The following SH3GL3 variants were observed in gnomAD, a reference collection of about 807,000 sequenced individuals.
The protein encoded by SH3GL3 is endophilin-A3.
A neutral mutation model predicts 47.7 loss-of-function variants in SH3GL3; 33 were observed. That is an observed-to-expected ratio of 0.69 (90% CI 0.52 to 0.92). SH3GL3 has a LOEUF of 0.92. Among genes scored for constraint, SH3GL3 ranks in the 40% least tolerant of loss-of-function variants. The pLI is 0.00. For synonymous variants in SH3GL3, 155 were observed against 148.8 expected, an observed-to-expected ratio of 1.04 and a Z score of -0.30; for missense variants, 363 against 417.8, an observed-to-expected ratio of 0.87 and a Z score of 1.14.
intron 1 of SH3GL3, among the ~76,000 whole-genome samples, chr15:83,490,286 G>A (rs1388123268): frequency 4.0e-5 from 5 of 126,426 alleles, no homozygotes; most frequent in African/African-American, 1.4e-4. Context: ...TTTTTTTTCC[G>A]CTGACCCTCA....
chr15:83,521,462 G>A lies in SH3GL3; in HGVS notation c.46-37791G>A, dbSNP rs566412253. ...TGGATGGTGCTGAGGATGGGGAGGGGAGAGCTGGGAATGGAATGGCCCAGG... is the reference window on the plus strand; with the variant it reads ...TGGATGGTGCTGAGGATGGGGAGGGAAGAGCTGGGAATGGAATGGCCCAGG... On this transcript the variant is annotated intron_variant, in intron 1 of 8. Coordinates refer to ENST00000427482, the MANE Select transcript of SH3GL3 (RefSeq NM_003027.5). Among the ~76,000 whole-genome samples the A allele has an allele frequency of 7.2e-5, 11 of 152,288 alleles. No homozygotes were observed. In the East Asian group the frequency reaches 7.7e-4, roughly 11 times the overall value.
intron 5 of SH3GL3, among the ~76,000 whole-genome samples, chr15:83,574,449 G>A (rs574312393): frequency 3.5e-4 from 54 of 152,218 alleles, no homozygotes; most frequent in Middle Eastern, 3.4e-3. Context: ...CCTCAGGGCC[G>A]TTGTGACATC....
At chr15:83,535,259 T>C (rs1444463148) in intron 1 of SH3GL3, among the ~76,000 whole-genome samples, 4 of 152,154 alleles carry the variant, frequency 2.6e-5, no homozygotes, top group Non-Finnish European at 5.9e-5. Flanking sequence ...GAATAAAACA[T>C]TGTCAGCTTC....
At chr15:83,477,197 C>G (rs2041141098) in intron 1 of SH3GL3, among the ~76,000 whole-genome samples, 1 of 152,184 alleles carries the variant, frequency 6.6e-6, no homozygotes, top group South Asian at 2.1e-4. Flanking sequence ...TTTTGGGTTG[C>G]AGGTTGTCTG....
intron 1 of SH3GL3, among the ~76,000 whole-genome samples, chr15:83,491,104 C>A (rs565642619): frequency 6.6e-6 from 1 of 152,256 alleles, no homozygotes; most frequent in African/African-American, 2.4e-5. Flanking sequence ...GTCCGAGAAT[C>A]CTGTGGGTAC....
intron 7 of SH3GL3, 146 bp downstream of exon 7, chr15:83,587,232 AT>A: frequency 1.8e-6 from 1 of 568,682 alleles, no homozygotes; most frequent in East Asian, 3.2e-5. Flanking sequence ...TCATGGTTGG[AT>A]GTGGGATGGG....
intron 1 of SH3GL3, among the ~76,000 whole-genome samples, chr15:83,465,433 C>T (rs114962392): frequency 0.02 from 2,987 of 152,050 alleles, 78 homozygotes; most frequent in African/African-American, 0.065. Flanking sequence ...GCTTCCTCTT[C>T]GGGCCTGTGA....
At chr15:83,531,992 T>C (rs1353049238) in intron 1 of SH3GL3, among the ~76,000 whole-genome samples, 1 of 152,222 alleles carries the variant, frequency 6.6e-6, no homozygotes, top group African/African-American at 2.4e-5. Flanking sequence ...AACTTCAGCA[T>C]GTACAAGTTG....
intron 1 of SH3GL3, among the ~76,000 whole-genome samples, chr15:83,491,903 T>C (rs762185725): frequency 7.9e-5 from 12 of 152,192 alleles, no homozygotes; most frequent in Non-Finnish European, 1.8e-4. Context: ...CCATACTTCC[T>C]ATGTGGTGGT....
chr15:83,548,413 G>A (rs2044509122), intron 1 of SH3GL3, among the ~76,000 whole-genome samples: 1 of 149,706 alleles, frequency 6.7e-6, no homozygotes, highest in African/African-American at 2.4e-5. Flanking sequence ...ACATAAATGT[G>A]TATATATATA....
At chr15:83,579,102 A>G (rs2059763330) in intron 6 of SH3GL3, among the ~76,000 whole-genome samples, 1 of 152,194 alleles carries the variant, frequency 6.6e-6, no homozygotes, top group African/African-American at 2.4e-5. Context: ...AAAGTCAAAA[A>G]GGATCCCTTC....
rs969704751 is a variant in SH3GL3 at position 83,498,940 on chromosome 15, C to A, written c.45+51362C>A. 6.6e-5 allele frequency among the ~76,000 whole-genome samples: 10 copies of A among 152,304 alleles called. No individual in the cohort carries two copies. The East Asian group carries it at 1.9e-3, about 29-fold the overall frequency. On this transcript the variant is annotated intron_variant, in intron 1 of 8. Transcript: ENST00000427482. Reference sequence around the variant, plus strand: ...TATCCCTTTGGACCAGGTCCATGTTCTTCCTTCTGCTGAAATAAGCTTCTC... The same window carrying A: ...TATCCCTTTGGACCAGGTCCATGTTATTCCTTCTGCTGAAATAAGCTTCTC...
At position 83,508,897 on chromosome 15, in the gene SH3GL3, T is replaced by C. The variant is rs147475017; in HGVS notation, c.46-50356T>C. Among the ~76,000 whole-genome samples the C allele has an allele frequency of 1.3e-3, 205 of 152,222 alleles. 5 individuals are homozygous for C. In the East Asian group the frequency reaches 0.034, roughly 25 times the overall value. On this transcript the variant is annotated intron_variant, in intron 1 of 8. Transcript: ENST00000427482. ...GCGTGAGCCACTGCTGGGCTTACAT[T>C]TTTAAAAGATCATTCTGGTTGCTCC...
intron 1 of SH3GL3, among the ~76,000 whole-genome samples, chr15:83,557,483 G>T (rs1346321178): frequency 1.3e-5 from 2 of 152,182 alleles, no homozygotes; most frequent in Non-Finnish European, 2.9e-5. Flanking sequence ...CTATTATGTG[G>T]CAAACCACTC....
chr15:83,514,735 C>A (rs2042910314), intron 1 of SH3GL3, among the ~76,000 whole-genome samples: 1 of 152,146 alleles, frequency 6.6e-6, no homozygotes, highest in Admixed American at 6.5e-5. Flanking sequence ...GCATTTGAGG[C>A]AGGTGTTTGT....
At chr15:83,474,318 C>T (rs770472767) in intron 1 of SH3GL3, among the ~76,000 whole-genome samples, 1 of 152,178 alleles carries the variant, frequency 6.6e-6, no homozygotes, top group Non-Finnish European at 1.5e-5. Context: ...CCTGAATGTC[C>T]TGCTTCTGTT....
chr15:83,479,666 G>A (rs2041255657), intron 1 of SH3GL3, among the ~76,000 whole-genome samples: 1 of 152,154 alleles, frequency 6.6e-6, no homozygotes. Context: ...ATGTTCCTTT[G>A]GTTGGGGGTA....
chr15:83,464,239 CCTT>C (rs1415869305), intron 1 of SH3GL3, among the ~76,000 whole-genome samples: 1 of 152,164 alleles, frequency 6.6e-6, no homozygotes, highest in Admixed American at 6.5e-5. Context: ...GCTTACAACA[CCTT>C]CTGTACTTGC....
intron 1 of SH3GL3, among the ~76,000 whole-genome samples, chr15:83,463,013 G>C (rs1320160557): frequency 1.3e-5 from 2 of 152,154 alleles, no homozygotes; most frequent in Non-Finnish European, 2.9e-5. Context: ...AGGGGGAAAC[G>C]TGAAAGTTGC....
Sources: allele counts gnomAD v4.1 joint callset (sites outside exome capture counted in the v4.1 genomes callset), GRCh38; gene constraint gnomAD v4.1.1; transcripts MANE v1.5; gene names NCBI Gene and HGNC (gene_info 2026-07-23, HGNC 2026-07-21).